Variants in ADAMTSL1 observed in about 807,000 individuals in gnomAD.
The protein encoded by ADAMTSL1 is ADAMTS like 1.
Under a neutral mutation model 201.8 loss-of-function variants are expected in ADAMTSL1, and 126 were observed. The observed-to-expected ratio is 0.62, with a 90% CI of 0.54 to 0.72. The LOEUF (loss-of-function observed/expected upper bound fraction) is 0.72. Ranked by LOEUF, ADAMTSL1 falls within the 30% of genes least tolerant of loss-of-function variation. The pLI, the probability that ADAMTSL1 is intolerant of heterozygous loss-of-function variation, is 0.00. For missense variants in ADAMTSL1, 2,679 were observed against 2,277.8 expected (o/e 1.18, Z -3.59); for synonymous variants, 1,121 against 903.4 (o/e 1.24, Z -4.32).
chr9:18,171,881 T>A (rs917165064), intron 2 of ADAMTSL1, among the ~76,000 whole-genome samples: 1 of 152,114 alleles, frequency 6.6e-6, no homozygotes, highest in Admixed American at 6.6e-5. Context: ...GGGATCCAGT[T>A]TCAGCTTTCT....
At chr9:17,919,879 C>T (rs537776563) in intron 1 of ADAMTSL1, among the ~76,000 whole-genome samples, 1 of 152,168 alleles carries the variant, frequency 6.6e-6, no homozygotes, top group East Asian at 1.9e-4. Context: ...TATATTTAAT[C>T]ATTTGAGAAA....
At chr9:18,529,454 C>T (rs1324242704) in intron 2 of ADAMTSL1, among the ~76,000 whole-genome samples, 2 of 152,078 alleles carry the variant, frequency 1.3e-5, no homozygotes, top group Non-Finnish European at 2.9e-5. Context: ...GATTCCAATC[C>T]CTGGTTCACT....
At chr9:17,963,228 T>C (rs1286277577) in intron 1 of ADAMTSL1, among the ~76,000 whole-genome samples, 1 of 152,228 alleles carries the variant, frequency 6.6e-6, no homozygotes, top group Non-Finnish European at 1.5e-5. Context: ...ATTTGAAATC[T>C]TAGCTATCCC....
intron 2 of ADAMTSL1, among the ~76,000 whole-genome samples, chr9:18,321,427 G>C (rs530027520): frequency 6.6e-5 from 10 of 152,272 alleles, no homozygotes; most frequent in African/African-American, 2.2e-4. Context: ...GCAAGGATAC[G>C]TAAGATTTTA....
intron 2 of ADAMTSL1, among the ~76,000 whole-genome samples, chr9:18,242,657 A>G (rs34629437): frequency 2.4e-3 from 369 of 152,270 alleles, no homozygotes; most frequent in Non-Finnish European, 4.3e-3. Context: ...TTGATGCACT[A>G]AAGTTGTAGG....
At chr9:18,565,450 A>C (rs886844859) in intron 3 of ADAMTSL1, among the ~76,000 whole-genome samples, 8 of 152,102 alleles carry the variant, frequency 5.3e-5, no homozygotes, top group Non-Finnish European at 1.2e-4. Context: ...AGTTTGGGGG[A>C]AAAGTAAAAG....
intron 4 of ADAMTSL1, among the ~76,000 whole-genome samples, chr9:18,603,345 GCTATGC>G (rs1824786721): frequency 2.4e-4 from 5 of 20,880 alleles, no homozygotes; most frequent in Admixed American, 2.0e-3. Flanking sequence ...AAAGCTATAT[GCTATGC>G]TATGCTATGC....
intron 23 of ADAMTSL1, among the ~76,000 whole-genome samples, chr9:18,865,965 C>T (rs1827506337): frequency 6.6e-6 from 1 of 151,784 alleles, no homozygotes; most frequent in South Asian, 2.1e-4. Context: ...TAGCCCCCTG[C>T]CTTAAATACT....
At chr9:18,025,288 G>A (rs1180132960) in intron 1 of ADAMTSL1, among the ~76,000 whole-genome samples, 1 of 151,902 alleles carries the variant, frequency 6.6e-6, no homozygotes, top group Non-Finnish European at 1.5e-5. Flanking sequence ...TTTTATTTTT[G>A]TTGCATTTGC....
intron 5 of ADAMTSL1, among the ~76,000 whole-genome samples, chr9:18,634,911 T>TATATAAATATGTATGTAAATAAATATTTA (rs1554719412): frequency 1.2e-5 from 1 of 81,438 alleles, no homozygotes. Context: ...ATATATTTAA[T>TATATAAATATGTATGTAAATAAATATTTA]ATATATATAT....
At chr9:18,018,696 C>T (rs1046865065) in intron 1 of ADAMTSL1, among the ~76,000 whole-genome samples, 1 of 152,040 alleles carries the variant, frequency 6.6e-6, no homozygotes, top group South Asian at 2.1e-4. Context: ...TCGGATGAGA[C>T]CACAGCCCCA....
intron 23 of ADAMTSL1, among the ~76,000 whole-genome samples, chr9:18,882,916 C>T (rs1828620144): frequency 6.6e-6 from 1 of 150,442 alleles, no homozygotes; most frequent in Non-Finnish European, 1.5e-5. Context: ...CACTTGAGCC[C>T]AGGAGTTCAA....
chr9:18,648,916 T>G (rs1209521257), intron 7 of ADAMTSL1, among the ~76,000 whole-genome samples: 1 of 152,222 alleles, frequency 6.6e-6, no homozygotes, highest in South Asian at 2.1e-4. Context: ...CTGTATTTCC[T>G]GAATCTGAAT....
intron 4 of ADAMTSL1, among the ~76,000 whole-genome samples, chr9:18,618,521 T>C (rs1348074918): frequency 7.5e-6 from 1 of 133,902 alleles, no homozygotes; most frequent in East Asian, 2.2e-4. Flanking sequence ...TTGAATTGGG[T>C]ATACATGAAA....
intron 1 of ADAMTSL1, among the ~76,000 whole-genome samples, chr9:17,908,566 C>G (rs1454759896): frequency 6.6e-6 from 1 of 152,114 alleles, no homozygotes; most frequent in African/African-American, 2.4e-5. Flanking sequence ...AAGCGATTCT[C>G]CTGCCTCAGC....
chr9:18,529,159 A>C (rs531956744), intron 2 of ADAMTSL1, among the ~76,000 whole-genome samples: 67 of 152,232 alleles, frequency 4.4e-4, no homozygotes, highest in Non-Finnish European at 8.1e-4. Flanking sequence ...TTTCAAAAAT[A>C]TAAGCTTCTC....
chr9:18,256,787 T>C (rs1417057791), intron 2 of ADAMTSL1, among the ~76,000 whole-genome samples: 1 of 152,232 alleles, frequency 6.6e-6, no homozygotes, highest in Non-Finnish European at 1.5e-5. Flanking sequence ...CCGGGTGCTC[T>C]GATAGTGACA....
At chr9:18,223,928 G>A (rs1407042613) in intron 2 of ADAMTSL1, among the ~76,000 whole-genome samples, 1 of 152,024 alleles carries the variant, frequency 6.6e-6, no homozygotes, top group Non-Finnish European at 1.5e-5. Context: ...AGGCATTTGG[G>A]ATCATTGCTA....
At chr9:18,141,517 C>T (rs1017505758) in intron 1 of ADAMTSL1, among the ~76,000 whole-genome samples, 1 of 152,168 alleles carries the variant, frequency 6.6e-6, no homozygotes, top group African/African-American at 2.4e-5. Context: ...AGAGCCCCCT[C>T]ACTCCAGTTC....
Sources: gnomAD v4.1 joint callset for allele counts (sites outside exome capture counted in the v4.1 genomes callset) on GRCh38, gnomAD v4.1.1 for gene constraint, MANE v1.5 for transcripts, NCBI Gene and HGNC (gene_info 2026-07-23, HGNC 2026-07-21) for gene names.